STPG2: variants seen among roughly 807,000 people sequenced by gnomAD.
The protein encoded by STPG2 is sperm tail PG-rich repeat containing 2, also known as sperm-tail PG-rich repeat-containing protein 2.
Under a neutral mutation model 54.2 loss-of-function variants are expected in STPG2, and 56 were observed. That is an observed-to-expected ratio of 1.03 (90% CI 0.83 to 1.29). STPG2 has a LOEUF of 1.29. Ranked by LOEUF, STPG2 falls within the 50% of genes most tolerant of loss-of-function variation. The pLI, the probability that STPG2 is intolerant of heterozygous loss-of-function variation, is 0.00. For missense variants in STPG2, 596 were observed against 544.9 expected (o/e 1.09, Z -0.93); for synonymous variants, 200 against 181.8 (o/e 1.10, Z -0.81).
chr4:97,938,202 A>G (rs972885689), intron 8 of STPG2, among the ~76,000 whole-genome samples: 5 of 152,126 alleles, frequency 3.3e-5, no homozygotes, highest in African/African-American at 9.7e-5. Flanking sequence ...GCTGTGGGGA[A>G]TATCTCCTGG....
At chr4:97,675,701 G>A (rs557391560) in intron 10 of STPG2, among the ~76,000 whole-genome samples, 34 of 151,544 alleles carry the variant, frequency 2.2e-4, no homozygotes, top group Admixed American at 2.0e-4. Flanking sequence ...GTGCGCGCGC[G>A]TGCTTTATAT....
At chr4:97,564,109 A>G (rs1450650638) in intron 10 of STPG2, among the ~76,000 whole-genome samples, 1 of 151,850 alleles carries the variant, frequency 6.6e-6, no homozygotes, top group Non-Finnish European at 1.5e-5. Context: ...TTATGAATGT[A>G]GGTGCTCCTG....
chr4:97,606,657 T>C (rs1733600796), intron 10 of STPG2, among the ~76,000 whole-genome samples: 2 of 151,992 alleles, frequency 1.3e-5, no homozygotes. Flanking sequence ...AATCACAATG[T>C]GTTATTTTGT....
intron 8 of STPG2, among the ~76,000 whole-genome samples, chr4:97,851,023 T>C (rs1729143894): frequency 6.6e-6 from 1 of 152,208 alleles, no homozygotes; most frequent in Non-Finnish European, 1.5e-5. Flanking sequence ...TCATTCACTT[T>C]AGTCTCTAAT....
intron 10 of STPG2, among the ~76,000 whole-genome samples, chr4:97,693,900 C>G (rs1164596569): frequency 1.3e-5 from 2 of 152,070 alleles, no homozygotes; most frequent in East Asian, 3.8e-4. Context: ...ATTAAATAAC[C>G]TGCTCCTGAA....
chr4:97,695,189 T>C (rs554628386), intron 10 of STPG2, among the ~76,000 whole-genome samples: 72 of 151,810 alleles, frequency 4.7e-4, no homozygotes, highest in Non-Finnish European at 9.0e-4. Context: ...AATGGTTTAA[T>C]ATCTGCAAGT....
chr4:97,606,490 G>T (rs1238360353), intron 10 of STPG2, among the ~76,000 whole-genome samples: 1 of 151,818 alleles, frequency 6.6e-6, no homozygotes, highest in Non-Finnish European at 1.5e-5. Flanking sequence ...TATAGAGAGA[G>T]AGATAGATCA....
At position 97,702,482 on chromosome 4, in the gene STPG2, C is replaced by G. The variant is rs115410560; in HGVS notation, c.1320+10217G>C. Among the ~76,000 whole-genome samples the G allele has an allele frequency of 1.7e-3, 265 of 152,236 alleles. 3 individuals carry two copies. The highest frequency in any genetic ancestry group is 5.9e-3 in the African/African-American group (247 of 41,554). On this transcript the variant is annotated intron_variant, in intron 10 of 10. Coordinates refer to ENST00000295268, the MANE Select transcript of STPG2 (RefSeq NM_174952.3). ...TCTAGTGACCCACTGGGACTTTAATCTAGTTATAGGTCTAGAAGCAAATGG... is the reference window on the plus strand; with the variant it reads ...TCTAGTGACCCACTGGGACTTTAATGTAGTTATAGGTCTAGAAGCAAATGG...
chr4:97,620,538 A>T (rs531008273), intron 10 of STPG2, among the ~76,000 whole-genome samples: 23 of 152,192 alleles, frequency 1.5e-4, no homozygotes, highest in Admixed American at 2.6e-4. Context: ...CAAAGATCAC[A>T]AGAGAAAGAA....
intron 8 of STPG2, among the ~76,000 whole-genome samples, chr4:97,850,491 A>C (rs969414380): frequency 6.6e-6 from 1 of 151,868 alleles, no homozygotes; most frequent in Non-Finnish European, 1.5e-5. Context: ...TGTTATACAG[A>C]ATTTAGCTAA....
At chr4:97,814,453 C>A (rs1727846592) in intron 9 of STPG2, among the ~76,000 whole-genome samples, 1 of 152,118 alleles carries the variant, frequency 6.6e-6, no homozygotes, top group Admixed American at 6.6e-5. Flanking sequence ...CTCAGCCATC[C>A]AAGTAGCTGA....
intron 4 of STPG2, among the ~76,000 whole-genome samples, chr4:97,449,612 A>C (rs1729314138): frequency 6.6e-6 from 1 of 152,214 alleles, no homozygotes; most frequent in African/African-American, 2.4e-5. Flanking sequence ...TATTAGTCCT[A>C]ACATAGCTAT....
chr4:97,951,434 C>T (rs925693634), intron 7 of STPG2, among the ~76,000 whole-genome samples: 1 of 152,084 alleles, frequency 6.6e-6, no homozygotes, highest in Non-Finnish European at 1.5e-5. Flanking sequence ...GGTTCCTTCT[C>T]ATTTGGGTAT....
At chr4:97,660,637 G>A (rs1462081668) in intron 10 of STPG2, among the ~76,000 whole-genome samples, 2 of 152,108 alleles carry the variant, frequency 1.3e-5, no homozygotes, top group Non-Finnish European at 2.9e-5. Flanking sequence ...TCACACGCAA[G>A]GCAAGTATAA....
At chr4:97,663,396 A>G (rs1399083365) in intron 10 of STPG2, among the ~76,000 whole-genome samples, 1 of 152,226 alleles carries the variant, frequency 6.6e-6, no homozygotes, top group African/African-American at 2.4e-5. Context: ...AAATATTGCA[A>G]TCATTACTTC....
At chr4:97,460,278 A>T (rs1032516272) in intron 4 of STPG2, among the ~76,000 whole-genome samples, 6 of 151,218 alleles carry the variant, frequency 4.0e-5, no homozygotes, top group Non-Finnish European at 8.9e-5. Context: ...TCTCTGCTTT[A>T]TTTTTTTCTA....
rs559984328 is a variant in STPG2 at position 97,524,493 on chromosome 4, C to T, written c.462+188206G>A. The stretch of plus-strand genomic sequence containing the variant: ...TCAACAAACAGACAGCTGCTTGTTT[C>T]ATTTCCTTAATGTCTTATTGCCTTC... On this transcript the variant is annotated intron_variant, in intron 4 of 4. Coordinates refer to the STPG2 transcript ENST00000522676. 4.3e-4 allele frequency among the ~76,000 whole-genome samples: 66 copies of T among 151,986 alleles called. No individual in the cohort carries two copies. The South Asian group carries it at 0.012, about 29-fold the overall frequency.
chr4:97,692,715 G>T (rs1161428960), intron 10 of STPG2, among the ~76,000 whole-genome samples: 2 of 152,146 alleles, frequency 1.3e-5, no homozygotes, highest in East Asian at 3.8e-4. Context: ...AATGTATTGT[G>T]AAATGATCAT....
chr4:98,032,928 C>T lies in STPG2; in HGVS notation c.613-51610G>A, dbSNP rs935118278. Among the ~76,000 whole-genome samples the T allele has an allele frequency of 2.0e-5, 3 of 152,104 alleles. No individual in the cohort carries two copies. In the East Asian group the frequency reaches 5.8e-4, roughly 29 times the overall value. On this transcript the variant is annotated intron_variant, in intron 5 of 10. Coordinates refer to ENST00000295268, the MANE Select transcript of STPG2 (RefSeq NM_174952.3). Reference sequence around the variant, plus strand: ...AGACGCATGTCCCAGATCTCTGGGACACATTTAAAGCAGTGTGTAGAGGGA... The same window carrying T: ...AGACGCATGTCCCAGATCTCTGGGATACATTTAAAGCAGTGTGTAGAGGGA...
Sources: gnomAD v4.1 joint callset for allele counts (sites outside exome capture counted in the v4.1 genomes callset) on GRCh38, gnomAD v4.1.1 for gene constraint, MANE v1.5 for transcripts, NCBI Gene and HGNC (gene_info 2026-07-23, HGNC 2026-07-21) for gene names.